FSHR: variants seen among roughly 807,000 people sequenced by gnomAD.
FSHR encodes follicle-stimulating hormone receptor.
FSHR carries 46 observed loss-of-function variants against 52.1 expected under a neutral mutation model. The ratio of observed to expected loss-of-function variants is 0.88; its 90% CI spans 0.70 to 1.13. The LOEUF is 1.13. FSHR is among the 50% of genes most tolerant of loss of function. The pLI, the probability that FSHR is intolerant of heterozygous loss-of-function variation, is 0.00. For synonymous variants in FSHR, 399 were observed against 309.6 expected (o/e 1.29, Z -3.03); for missense variants, 964 against 834.6 (o/e 1.16, Z -1.91).
chr2:49,139,966 A>T (rs1349336255), intron 1 of FSHR, among the ~76,000 whole-genome samples: 1 of 152,074 alleles, frequency 6.6e-6, no homozygotes, highest in Non-Finnish European at 1.5e-5. Context: ...CCAAGAATTG[A>T]TTTATTAATG....
intron 1 of FSHR, among the ~76,000 whole-genome samples, chr2:49,068,929 C>T (rs1011295352): frequency 1.3e-5 from 2 of 152,056 alleles, no homozygotes; most frequent in African/African-American, 4.8e-5. Flanking sequence ...TTTCATTCAC[C>T]TTTTTCCCCT....
intron 1 of FSHR, among the ~76,000 whole-genome samples, chr2:49,074,828 T>C (rs1669887173): frequency 2.0e-5 from 3 of 152,146 alleles, no homozygotes; most frequent in Admixed American, 2.0e-4. Context: ...CATAATGGAA[T>C]ACTATTTAGC....
At chr2:49,087,596 C>G (rs1304645378) in intron 1 of FSHR, among the ~76,000 whole-genome samples, 1 of 152,022 alleles carries the variant, frequency 6.6e-6, no homozygotes, top group African/African-American at 2.4e-5. Flanking sequence ...AGTCATGAGG[C>G]AATTACTTGG....
chr2:49,102,045 GT>G (rs1346543941), intron 1 of FSHR, among the ~76,000 whole-genome samples: 1 of 152,152 alleles, frequency 6.6e-6, no homozygotes, highest in East Asian at 1.9e-4. Flanking sequence ...TTCAGCATGA[GT>G]TTTGGAGGGG....
At chr2:49,038,833 T>G (rs977591184) in intron 2 of FSHR, among the ~76,000 whole-genome samples, 3 of 151,938 alleles carry the variant, frequency 2.0e-5, no homozygotes, top group African/African-American at 7.2e-5. Flanking sequence ...CATAAATATA[T>G]TTTTAAGAAT....
At chr2:48,977,415 T>C (rs1267626388) in intron 8 of FSHR, among the ~76,000 whole-genome samples, 1 of 152,156 alleles carries the variant, frequency 6.6e-6, no homozygotes, top group African/African-American at 2.4e-5. Flanking sequence ...AGAACCTTGA[T>C]ACCAGCATAT....
intron 8 of FSHR, 72 bp downstream of exon 8, chr2:48,982,840 T>A: frequency 7.7e-7 from 1 of 1,304,612 alleles, no homozygotes; most frequent in Non-Finnish European, 1.1e-6. Context: ...GCTTCTCCCC[T>A]AGCTGCAGAG....
chr2:48,969,846 G>A (rs1248102136), intron 8 of FSHR, among the ~76,000 whole-genome samples: 5 of 152,192 alleles, frequency 3.3e-5, no homozygotes, highest in Admixed American at 6.5e-5. Context: ...AGCACCACTG[G>A]TAGTTGCAAC....
rs192143748 is a variant in FSHR, at chr2:48,984,270, C to T, written c.525-1104G>A. On this transcript the variant is annotated intron_variant, in intron 6 of 9. Transcript: ENST00000406846. ...GCAAATCTTTTAAAACATTCACAAT[C>T]AATTGGTGGGTTCTGATGGCAAAGA... Among the ~76,000 whole-genome samples the T allele has an allele frequency of 6.8e-4, 103 of 152,262 alleles. 1 individual carries two copies. Among genetic ancestry groups the T allele is most frequent in the Admixed American group, 6.7e-3 (102 of 15,298 alleles).
intron 2 of FSHR, among the ~76,000 whole-genome samples, chr2:49,054,485 C>A (rs755415767): frequency 6.6e-6 from 1 of 152,142 alleles, no homozygotes; most frequent in Admixed American, 6.5e-5. Flanking sequence ...AGCAGACATA[C>A]CCCCAGGCCA....
intron 4 of FSHR, among the ~76,000 whole-genome samples, chr2:48,998,772 A>G (rs1467663832): frequency 6.6e-6 from 1 of 152,056 alleles, no homozygotes; most frequent in East Asian, 1.9e-4. Flanking sequence ...AAGGATTAAA[A>G]AAAAAGCATA....
chr2:48,995,433 T>A lies in FSHR; in HGVS notation c.375-4796A>T, dbSNP rs6746533. On this transcript the variant is annotated intron_variant, in intron 4 of 9. Coordinates refer to ENST00000406846, the MANE Select transcript of FSHR (RefSeq NM_000145.4). ...TTAGAAACTACAGAGCCTTCTGGCC[T>A]AAACTAAGAGTAGCAAGTGTGTATA... Among the ~76,000 whole-genome samples, 17 of 151,968 alleles carry A rather than the reference T, an allele frequency of 1.1e-4. No individual in the cohort carries two copies. The South Asian group carries it at 2.1e-3, about 19-fold the overall frequency.
At chr2:48,974,030 A>G (rs1674864575) in intron 8 of FSHR, among the ~76,000 whole-genome samples, 1 of 149,028 alleles carries the variant, frequency 6.7e-6, no homozygotes, top group African/African-American at 2.6e-5. Flanking sequence ...ATGACTCAGC[A>G]TTGTAATAAA....
chr2:49,021,873 A>C (rs796586322), intron 2 of FSHR, among the ~76,000 whole-genome samples: 44 of 53,026 alleles, frequency 8.3e-4, no homozygotes, highest in Admixed American at 1.2e-3. Flanking sequence ...CTATATATAT[A>C]TATATATATA....
intron 2 of FSHR, among the ~76,000 whole-genome samples, chr2:49,047,477 C>T (rs1668704008): frequency 6.6e-6 from 1 of 152,200 alleles, no homozygotes; most frequent in South Asian, 2.1e-4. Flanking sequence ...ACCCTGCTCT[C>T]AAATTTAAGT....
At chr2:49,140,571 G>C (rs191695796) in intron 1 of FSHR, among the ~76,000 whole-genome samples, 15 of 152,012 alleles carry the variant, frequency 9.9e-5, no homozygotes, top group Non-Finnish European at 1.8e-4. Context: ...ATGATGGTGC[G>C]TGCCTGTAAT....
At chr2:49,094,567 A>G (rs1670749943) in intron 1 of FSHR, among the ~76,000 whole-genome samples, 2 of 152,176 alleles carry the variant, frequency 1.3e-5, no homozygotes, top group Admixed American at 1.3e-4. Context: ...TTCACAGGAC[A>G]TAGAATTTGG....
chr2:49,132,463 A>G (rs573027399), intron 1 of FSHR, among the ~76,000 whole-genome samples: 29 of 152,256 alleles, frequency 1.9e-4, no homozygotes, highest in African/African-American at 6.7e-4. Flanking sequence ...ACCATGTCAC[A>G]CTGTTTAAGA....
intron 1 of FSHR, among the ~76,000 whole-genome samples, chr2:49,101,522 T>C (rs1671026061): frequency 6.6e-6 from 1 of 152,048 alleles, no homozygotes; most frequent in Non-Finnish European, 1.5e-5. Flanking sequence ...AAAGATTATG[T>C]CAAAGGGCAC....
Sources: gnomAD v4.1 joint callset for allele counts (sites outside exome capture counted in the v4.1 genomes callset) on GRCh38, gnomAD v4.1.1 for gene constraint, MANE v1.5 for transcripts, NCBI Gene and HGNC (gene_info 2026-07-23, HGNC 2026-07-21) for gene names.